Variants in FBN3 observed in about 807,000 individuals in gnomAD.
The protein encoded by FBN3 is fibrillin-3.
In FBN3, 234 loss-of-function variants were observed where a neutral mutation model predicts 330.1. The observed-to-expected ratio is 0.71, with a 90% confidence interval of 0.64 to 0.79. The LOEUF is 0.79. Ranked by LOEUF, FBN3 falls within the 30% of genes least tolerant of loss-of-function variation. FBN3 has a pLI of 0.00. For synonymous variants in FBN3, 1,458 were observed against 1,517.3 expected (o/e 0.96, Z 0.91); for missense variants, 3,606 against 3,886.9 (o/e 0.93, Z 1.92).
chr19:8,126,851 AC>A lies in FBN3; in HGVS notation c.2297-20del, dbSNP rs1402212140. On this transcript the variant is annotated intron_variant, in intron 18 of 63. Transcript: ENST00000600128. The stretch of plus-strand genomic sequence containing the variant: ...TCGACATCTGTGGGGACAGCCCCCC[AC>A]CAGGTCCTGAGCTGCAGGAGGAGTT... 1.8e-5 allele frequency: 27 copies of A among 1,531,670 alleles called. No individual in the cohort carries two copies. The highest frequency in any genetic ancestry group is 2.3e-5 in the Non-Finnish European group (26 of 1,142,062). The allele number at this position is 1,531,670 out of a possible 1,614,324, so 94.9% of individuals were successfully genotyped here.
chr19:8,139,632 C>T (rs749826917), intron 8 of FBN3, among the ~76,000 whole-genome samples: 1 of 151,714 alleles, frequency 6.6e-6, no homozygotes, highest in Non-Finnish European at 1.5e-5. Flanking sequence ...CCCAAGGAGT[C>T]GAGGGGTGGA....
chr19:8,147,929 C>A (rs2083589167), intron 1 of FBN3, among the ~76,000 whole-genome samples: 1 of 151,604 alleles, frequency 6.6e-6, no homozygotes, highest in Admixed American at 6.6e-5. Context: ...GCAGCAGGGT[C>A]CCGGGGGGGA....
intron 62 of FBN3, 97 bp downstream of exon 62, chr19:8,072,966 C>CGGGTGT: frequency 1.6e-6 from 1 of 643,270 alleles, no homozygotes; most frequent in East Asian, 2.9e-5. Context: ...CACAAAGCCC[C>CGGGTGT]GTGTGTGTGT....
chr19:8,099,902 C>T (rs900387876), intron 41 of FBN3, among the ~76,000 whole-genome samples: 7 of 151,042 alleles, frequency 4.6e-5, no homozygotes, highest in East Asian at 2.0e-4. Flanking sequence ...CTCAGCTACT[C>T]GGGAGGCTGA....
At chr19:8,128,215 C>T (rs1293377645) in intron 18 of FBN3, among the ~76,000 whole-genome samples, 1 of 152,070 alleles carries the variant, frequency 6.6e-6, no homozygotes, top group Non-Finnish European at 1.5e-5. Flanking sequence ...TAACTGTGTG[C>T]CCCTGAGTGT....
chr19:8,069,777 G>T (rs572456880), intron 63 of FBN3, among the ~76,000 whole-genome samples: 1 of 152,202 alleles, frequency 6.6e-6, no homozygotes, highest in South Asian at 2.1e-4. Flanking sequence ...GTAGGTGGAG[G>T]GGGTCTCACT....
chr19:8,103,638 G>A lies in FBN3; in HGVS notation c.4863C>T (p.Cys1621=), dbSNP rs2082376781. 4 of 1,613,576 alleles carry A rather than the reference G, an allele frequency of 2.5e-6. No individual in the cohort carries two copies. The highest frequency in any genetic ancestry group is 3.4e-6 in the Non-Finnish European group (4 of 1,179,706). ...AGGTGTAGTTCCCCAGGGTGTTGTA[G>A]CAGGTGCCAGGGCCACAGATGCCGG... is the stretch of plus-strand genomic sequence containing the variant. The part of the protein sequence containing the change: ...THSGICGPGT[C]YNTLGNYTCV... Residue 1621 remains cysteine, a synonymous_variant, in exon 39 of 64, where the codon TGC becomes TGT. Coordinates refer to ENST00000600128, the MANE Select transcript of FBN3 (RefSeq NM_032447.5).
chr19:8,118,987 G>T lies in FBN3; in HGVS notation c.3247C>A (p.Arg1083=). The T allele has an allele frequency of 6.2e-7, 1 of 1,610,026 alleles. No individual in the cohort carries two copies. The highest frequency in any genetic ancestry group is 8.5e-7 in the Non-Finnish European group (1 of 1,176,806). The change falls in exon 26 of 64, where the codon CGG becomes AGG. Residue 1083 remains arginine, a synonymous_variant. Coordinates refer to ENST00000600128, the MANE Select transcript of FBN3 (RefSeq NM_032447.5). The part of the protein sequence containing the change: ...DECARDPLLC[R]GGTCTNTDGS... ...TCCGTGTTGGTGCAAGTGCCTCCCC[G>T]GCAGAGCAGCGGGTCCCTTGCACAC...
At chr19:8,082,311 T>TCTC in intron 57 of FBN3, among the ~76,000 whole-genome samples, 1 of 113,496 alleles carries the variant, frequency 8.8e-6, no homozygotes, top group Non-Finnish European at 1.9e-5. Flanking sequence ...CTTTCTCCCT[T>TCTC]TCTCTTTCTT....
chr19:8,126,564 G>A lies in FBN3; in HGVS notation c.2458C>T (p.Arg820Cys), dbSNP rs375116459. The change falls in exon 20 of 64, where the codon CGC becomes TGC. Residue 820 changes from arginine (R) to cysteine (C), a missense_variant. Coordinates refer to ENST00000600128, the MANE Select transcript of FBN3 (RefSeq NM_032447.5). ...GTCWLKIQESRCEVNLQGASL... is the reference protein window; with the variant it reads ...GTCWLKIQESCCEVNLQGASL... ...GCTCCCTGAAGGTTCACCTCACAGCGGCTCTCCTGGATCTTCAGCCAGCAG... is the reference window on the plus strand; with the variant it reads ...GCTCCCTGAAGGTTCACCTCACAGCAGCTCTCCTGGATCTTCAGCCAGCAG... The A allele has an allele frequency of 9.9e-6, 16 of 1,611,582 alleles. No individual in the cohort carries two copies. Among genetic ancestry groups the A allele is most frequent in the Admixed American group, 5.0e-5 (3 of 59,996 alleles).
At position 8,066,096 on chromosome 19, in the gene FBN3, G is replaced by A. The variant is rs144919811; in HGVS notation, c.8253C>T (p.Arg2751=). The stretch of plus-strand genomic sequence containing the variant: ...AGCTGACGCCACGGAGGTGATGCAT[G>A]CGAAAGAAACCTTGCTCGTTTCCGC... ...IVRGNEQGFF[R]MHHLRGVSSL... is the part of the protein sequence containing the mutation. The change falls in exon 64 of 64, where the codon CGC becomes CGT. Residue 2751 remains arginine, a synonymous_variant. Coordinates refer to ENST00000600128, the MANE Select transcript of FBN3 (RefSeq NM_032447.5). 1.6e-5 allele frequency: 26 copies of A among 1,613,432 alleles called. No homozygotes were observed. The African/African-American group carries it at 2.0e-4, about 12-fold the overall frequency.
At chr19:8,135,868 TG>T (rs1407121738) in intron 13 of FBN3, 92 bp downstream of exon 13, 2 of 1,405,100 alleles carry the variant, frequency 1.4e-6, no homozygotes, top group African/African-American at 1.4e-5. Context: ...GGGAGGGAGG[TG>T]GGTTTGGGGG....
intron 3 of FBN3, among the ~76,000 whole-genome samples, chr19:8,146,891 G>C (rs1214662598): frequency 3.9e-5 from 6 of 152,202 alleles, no homozygotes; most frequent in African/African-American, 1.2e-4. Context: ...GGGAACCAGA[G>C]AGACAGACAG....
chr19:8,144,000 GT>G (rs775465137), intron 6 of FBN3, among the ~76,000 whole-genome samples: 56 of 151,680 alleles, frequency 3.7e-4, no homozygotes, highest in Non-Finnish European at 6.6e-4. Flanking sequence ...GAGAGGGGGG[GT>G]GTCTCACTAT....
At chr19:8,079,968 TC>T (rs145167279) in intron 59 of FBN3, among the ~76,000 whole-genome samples, 5,001 of 152,320 alleles carry the variant, frequency 0.033, 115 homozygotes, top group Non-Finnish European at 0.048. Flanking sequence ...TGATGGAAGA[TC>T]CCTGCCTTTT....
At position 8,075,158 on chromosome 19, in the gene FBN3, G is replaced by A. The variant is rs1369712467; in HGVS notation, c.7615C>T (p.Gln2539Ter). ...VNECDGPHRC[Q>*]HGCQNQLGGY... ...CCTAGCTGGTTCTGACAGCCATGCT[G>A]GCAGCGGTGGGGCCCATCACATTCA... The change falls in exon 61 of 64, where the codon CAG becomes TAG. Residue 2539 changes from glutamine to a stop codon, truncating the protein, a stop_gained. Coordinates refer to ENST00000600128, the MANE Select transcript of FBN3 (RefSeq NM_032447.5). LOFTEE classifies it high-confidence loss of function. The A allele has an allele frequency of 6.4e-7, 1 of 1,572,838 alleles. No individual in the cohort carries two copies. Among genetic ancestry groups the A allele is most frequent in the Non-Finnish European group, 8.6e-7 (1 of 1,158,312 alleles).
intron 34 of FBN3, among the ~76,000 whole-genome samples, chr19:8,110,602 C>G (rs948630325): frequency 6.6e-6 from 1 of 152,216 alleles, no homozygotes; most frequent in African/African-American, 2.4e-5. Context: ...TTCTAAAACA[C>G]ACAGAGGTAG....
chr19:8,120,997 C>T (rs559168716), intron 25 of FBN3, among the ~76,000 whole-genome samples: 1 of 152,160 alleles, frequency 6.6e-6, no homozygotes, highest in African/African-American at 2.4e-5. Flanking sequence ...GGGTCCCTGT[C>T]CTCTACCCAA....
At chr19:8,148,315 C>T (rs989549515) in intron 1 of FBN3, among the ~76,000 whole-genome samples, 1 of 152,154 alleles carries the variant, frequency 6.6e-6, no homozygotes, top group African/African-American at 2.4e-5. Context: ...GGCTGGATGC[C>T]TCCCTGGGCA....
Sources: gnomAD v4.1 joint callset for allele counts (sites outside exome capture counted in the v4.1 genomes callset) on GRCh38, gnomAD v4.1.1 for gene constraint, MANE v1.5 for transcripts, NCBI Gene and HGNC (gene_info 2026-07-23, HGNC 2026-07-21) for gene names.